BLVRA: variants seen among roughly 807,000 people sequenced by gnomAD.
BLVRA encodes the protein BVR A.
In BLVRA, 22 loss-of-function variants were observed where a neutral mutation model predicts 32.8. The observed-to-expected ratio is 0.67, with a 90% confidence interval of 0.48 to 0.96. BLVRA has a LOEUF of 0.96. Among genes scored for constraint, BLVRA ranks in the 40% least tolerant of loss-of-function variants. The pLI is 0.00. For missense variants in BLVRA, 323 were observed against 358.1 expected (o/e 0.90, Z 0.79); for synonymous variants, 119 against 141.3 (o/e 0.84, Z 1.12).
intron 2 of BLVRA, among the ~76,000 whole-genome samples, chr7:43,777,688 C>T (rs940174122): frequency 6.6e-6 from 1 of 152,070 alleles, no homozygotes; most frequent in African/African-American, 2.4e-5. Context: ...GAATGTTGGC[C>T]TGCCTTGCTA....
rs1283751077 is a variant in BLVRA at position 43,794,257 on chromosome 7, G to A, written c.352+1445G>A. Among the ~76,000 whole-genome samples the A allele has an allele frequency of 2.6e-5, 4 of 151,924 alleles. No individual in the cohort carries two copies. In the East Asian group the frequency reaches 7.7e-4, roughly 29 times the overall value. On this transcript the variant is annotated intron_variant, in intron 5 of 7. Transcript: ENST00000265523. ...AAATAAAAATAAAAATTCTTTAAAAGACCTACCCAGACAAACAAAAACCAA... is the reference window on the plus strand; with the variant it reads ...AAATAAAAATAAAAATTCTTTAAAAAACCTACCCAGACAAACAAAAACCAA...
chr7:43,761,897 T>G (rs2095742725), intron 1 of BLVRA, among the ~76,000 whole-genome samples: 1 of 152,186 alleles, frequency 6.6e-6, no homozygotes, highest in Non-Finnish European at 1.5e-5. Flanking sequence ...TTGATGTATA[T>G]ATTTCCAGAC....
At chr7:43,788,242 G>A (rs139391855) in intron 3 of BLVRA, among the ~76,000 whole-genome samples, 253 of 152,336 alleles carry the variant, frequency 1.7e-3, no homozygotes, top group Middle Eastern at 0.014. Context: ...GTTGGCCTGG[G>A]AGACTGGAAG....
Position 43,774,345 on chromosome 7 carries a change from C to T in BLVRA, c.12+3175C>T, listed in dbSNP as rs533812642. ...GTGTAAGGAAGGGATCCAGTTTCAG[C>T]TTTCTACATATGGCTAGCCAGTTTT... On this transcript the variant is annotated intron_variant, in intron 2 of 7. Transcript: ENST00000265523. Among the ~76,000 whole-genome samples the T allele has an allele frequency of 5.2e-3, 787 of 152,228 alleles. 7 individuals are homozygous for T. Among genetic ancestry groups the T allele is most frequent in the African/African-American group, 0.018 (755 of 41,544 alleles).
chr7:43,769,134 C>T (rs1563536427), intron 1 of BLVRA, among the ~76,000 whole-genome samples: 1 of 151,700 alleles, frequency 6.6e-6, no homozygotes. Context: ...CTCAAGTAAT[C>T]CTCCTGCCCC....
At chr7:43,798,538 A>G (rs1487908619) in intron 5 of BLVRA, among the ~76,000 whole-genome samples, 3 of 151,984 alleles carry the variant, frequency 2.0e-5, no homozygotes, top group Non-Finnish European at 4.4e-5. Context: ...CATTGTTCCA[A>G]ATTTGCTCAG....
At chr7:43,760,208 C>G (rs1331216294) in intron 1 of BLVRA, 1 of 151,944 alleles carries the variant, frequency 6.6e-6, no homozygotes, top group Non-Finnish European at 1.5e-5. Context: ...ATTCTTTGTA[C>G]CCCCTGCCTA....
upstream of BLVRA, among the ~76,000 whole-genome samples, chr7:43,758,331 G>A (rs1168061674): frequency 1.8e-5 from 2 of 110,400 alleles, no homozygotes; most frequent in East Asian, 2.0e-4. Context: ...CCCCGGGCCT[G>A]CCCCCCCCAC....
chr7:43,804,690 T>C (rs1286116564), intron 7 of BLVRA, among the ~76,000 whole-genome samples: 1 of 152,202 alleles, frequency 6.6e-6, no homozygotes, highest in Non-Finnish European at 1.5e-5. Context: ...CCTGTCACAC[T>C]GTTCCCAAAA....
chr7:43,773,328 C>T (rs2095756823), intron 2 of BLVRA, among the ~76,000 whole-genome samples: 1 of 151,964 alleles, frequency 6.6e-6, no homozygotes, highest in African/African-American at 2.4e-5. Flanking sequence ...TCGATGTTCC[C>T]CTTCCTGTGT....
chr7:43,796,121 C>CAA (rs371922009), intron 5 of BLVRA, among the ~76,000 whole-genome samples: 772 of 66,654 alleles, frequency 0.012, 12 homozygotes, highest in African/African-American at 0.041. Context: ...CTCTGTCTCA[C>CAA]AAAAAAAAAA....
chr7:43,762,212 G>C (rs1412775216), intron 1 of BLVRA, among the ~76,000 whole-genome samples: 1 of 152,052 alleles, frequency 6.6e-6, no homozygotes, highest in African/African-American at 2.4e-5. Flanking sequence ...TTTTGGGCTG[G>C]ATAATTCTTT....
At chr7:43,768,794 G>A (rs955148274) in intron 1 of BLVRA, among the ~76,000 whole-genome samples, 11 of 152,116 alleles carry the variant, frequency 7.2e-5, no homozygotes, top group African/African-American at 1.4e-4. Context: ...AGGTAGCCAG[G>A]GGAGGGCGAG....
intron 5 of BLVRA, among the ~76,000 whole-genome samples, chr7:43,797,078 A>C (rs981397754): frequency 3.3e-5 from 5 of 152,206 alleles, no homozygotes; most frequent in Admixed American, 3.3e-4. Flanking sequence ...AAGATGGAGG[A>C]TCAGATGGTA....
Position 43,792,807 on chromosome 7 carries a change from A to C in BLVRA, c.347A>C (p.Gln116Pro). 1 of 1,614,010 alleles carries C rather than the reference A, an allele frequency of 6.2e-7. No homozygotes were observed. The highest frequency in any genetic ancestry group is 8.5e-7 in the Non-Finnish European group (1 of 1,179,894). Residue 116 changes from glutamine (Q) to proline (P), a missense_variant, in exon 5 of 8, where the codon CAG becomes CCG. Coordinates refer to ENST00000265523, the MANE Select transcript of BLVRA (RefSeq NM_000712.4). Reference sequence around the variant, plus strand: ...CAGGAACTGTGGGAGCTGGCTGAGCAGAAAGGTAATGTATCTTACCAAGAG... The same window carrying C: ...CAGGAACTGTGGGAGCTGGCTGAGCCGAAAGGTAATGTATCTTACCAAGAG... ...AAQELWELAE[Q>P]KGKVLHEEHV...
intron 1 of BLVRA, among the ~76,000 whole-genome samples, chr7:43,766,014 G>A (rs1296839777): frequency 2.0e-5 from 3 of 152,202 alleles, no homozygotes; most frequent in Admixed American, 1.3e-4. Context: ...AAGGCAAGGC[G>A]TGGTAGCTCA....
chr7:43,782,102 A>G (rs1298077271), intron 2 of BLVRA, among the ~76,000 whole-genome samples: 1 of 152,144 alleles, frequency 6.6e-6, no homozygotes. Context: ...TGCCTCGCTC[A>G]TCTTAGCATC....
At chr7:43,788,501 C>T (rs1007001370) in intron 3 of BLVRA, among the ~76,000 whole-genome samples, 2 of 152,348 alleles carry the variant, frequency 1.3e-5, no homozygotes, top group South Asian at 4.1e-4. Context: ...TGAGGTCACA[C>T]AGCTGGAAAG....
intron 7 of BLVRA, among the ~76,000 whole-genome samples, chr7:43,806,034 C>T (rs1226411775): frequency 1.3e-5 from 2 of 152,216 alleles, no homozygotes; most frequent in Admixed American, 6.5e-5. Context: ...CATGAGAGGC[C>T]GGGCACAATG....
Sources: allele counts gnomAD v4.1 joint callset (sites outside exome capture counted in the v4.1 genomes callset), GRCh38; gene constraint gnomAD v4.1.1; transcripts MANE v1.5; gene names NCBI Gene and HGNC (gene_info 2026-07-23, HGNC 2026-07-21).